FRMPD4: variants seen among roughly 807,000 people sequenced by gnomAD.
The protein encoded by FRMPD4 is FERM and PDZ domain-containing protein 4.
Under a neutral mutation model 94.1 loss-of-function variants are expected in FRMPD4, and 22 were observed. The ratio of observed to expected loss-of-function variants is 0.23; its 90% CI spans 0.17 to 0.33. The LOEUF is 0.33. Ranked by LOEUF, FRMPD4 falls within the 10% of genes least tolerant of loss-of-function variation. The pLI is 1.00. For synonymous variants in FRMPD4, 631 were observed against 548.6 expected (o/e 1.15, Z -2.10); for missense variants, 1,111 against 1,339.9 (o/e 0.83, Z 2.67).
intron 1 of FRMPD4, among the ~76,000 whole-genome samples, chrX:12,326,927 A>T (rs1308204691): frequency 9.0e-6 from 1 of 111,125 alleles, no homozygotes; most frequent in Non-Finnish European, 1.9e-5. Context: ...GCACCACTGC[A>T]CTCCAGCCTG....
intron 8 of FRMPD4, among the ~76,000 whole-genome samples, chrX:12,693,525 G>A (rs56222028): frequency 0.03 from 3,391 of 111,650 alleles, 155 homozygotes; most frequent in African/African-American, 0.1. Context: ...TGAGCAAGTG[G>A]AACAATATCA....
At chrX:12,111,298 T>A (rs1176831232) in intron 3 of FRMPD4, among the ~76,000 whole-genome samples, 1 of 111,616 alleles carries the variant, frequency 9.0e-6, no homozygotes, top group Non-Finnish European at 1.9e-5. Context: ...TTGACAAACC[T>A]GACAAAAACA....
At chrX:12,050,027 A>T (rs2054808276) in intron 3 of FRMPD4, among the ~76,000 whole-genome samples, 1 of 112,151 alleles carries the variant, frequency 8.9e-6, no homozygotes, top group Non-Finnish European at 1.9e-5. Context: ...TAAAAAATTT[A>T]AAGTTTATAA....
intron 3 of FRMPD4, among the ~76,000 whole-genome samples, chrX:11,902,939 A>C (rs1427481377): frequency 8.9e-6 from 1 of 111,810 alleles, no homozygotes; most frequent in Non-Finnish European, 1.9e-5. Context: ...GGGTTTTAAG[A>C]GATGTGTAGA....
chrX:12,474,647 G>T (rs2057568743), intron 1 of FRMPD4, among the ~76,000 whole-genome samples: 1 of 111,573 alleles, frequency 9.0e-6, no homozygotes, highest in Non-Finnish European at 1.9e-5. Flanking sequence ...CGATCCCAGA[G>T]AAATACAAAC....
At chrX:12,156,068 C>T (rs991197067) in intron 1 of FRMPD4, among the ~76,000 whole-genome samples, 2 of 111,728 alleles carry the variant, frequency 1.8e-5, no homozygotes, top group African/African-American at 6.5e-5. Context: ...GGAGGACAGA[C>T]GTTGTGAAAT....
intron 3 of FRMPD4, among the ~76,000 whole-genome samples, chrX:12,000,647 C>T (rs1190409463): frequency 9.0e-6 from 1 of 111,378 alleles, no homozygotes; most frequent in East Asian, 2.8e-4. Context: ...CCTCTCCCTT[C>T]TTCAGTTTAC....
At position 11,996,708 on chromosome X, in the gene FRMPD4, T is replaced by C. The variant is rs377527390; in HGVS notation, c.95+118690T>C. 1.2e-4 allele frequency among the ~76,000 whole-genome samples: 14 copies of C among 112,060 alleles called. No homozygotes were observed. In the East Asian group the frequency reaches 3.7e-3, roughly 29 times the overall value. ...ATAGTAGGTGCTTAATCATAGGTTATCAAGCAAATATCTATTACCTATTAT... is the reference window on the plus strand; with the variant it reads ...ATAGTAGGTGCTTAATCATAGGTTACCAAGCAAATATCTATTACCTATTAT... On this transcript the variant is annotated intron_variant, in intron 3 of 18. Coordinates refer to the FRMPD4 transcript ENST00000640291.
At chrX:12,053,077 C>A (rs1022779929) in intron 3 of FRMPD4, among the ~76,000 whole-genome samples, 1 of 110,626 alleles carries the variant, frequency 9.0e-6, no homozygotes, top group African/African-American at 3.3e-5. Context: ...ATGACTCATG[C>A]CTGTAATCCC....
chrX:12,636,897 T>C (rs2059448099), intron 4 of FRMPD4, among the ~76,000 whole-genome samples: 1 of 111,784 alleles, frequency 8.9e-6, no homozygotes, highest in African/African-American at 3.3e-5. Flanking sequence ...ATAAACCTAA[T>C]AGTCTTTGTT....
intron 3 of FRMPD4, among the ~76,000 whole-genome samples, chrX:12,613,759 C>T (rs1033349702): frequency 8.9e-6 from 1 of 111,903 alleles, no homozygotes; most frequent in African/African-American, 3.2e-5. Flanking sequence ...GGGTGGATCA[C>T]GAGGTCAGGA....
chrX:12,008,090 G>T (rs1449229961), intron 3 of FRMPD4, among the ~76,000 whole-genome samples: 1 of 112,081 alleles, frequency 8.9e-6, no homozygotes, highest in African/African-American at 3.2e-5. Context: ...TGCGTGCTGG[G>T]CCAATGCTAA....
intron 1 of FRMPD4, among the ~76,000 whole-genome samples, chrX:12,343,378 G>A (rs774887594): frequency 8.9e-6 from 1 of 111,738 alleles, no homozygotes; most frequent in Non-Finnish European, 1.9e-5. Context: ...ATTGGGAGGC[G>A]TCAGCAGGCC....
intron 3 of FRMPD4, among the ~76,000 whole-genome samples, chrX:12,116,934 T>C (rs2055414573): frequency 8.9e-6 from 1 of 112,573 alleles, no homozygotes; most frequent in African/African-American, 3.2e-5. Flanking sequence ...TAAAAATTTA[T>C]CTTCATTTAT....
chrX:12,077,155 A>G (rs760305551), intron 3 of FRMPD4, among the ~76,000 whole-genome samples: 23 of 112,045 alleles, frequency 2.1e-4, no homozygotes, highest in African/African-American at 7.4e-4. Context: ...ACTTGAATAA[A>G]TCTTCCACTG....
At chrX:12,477,814 G>T (rs1025702751) in intron 1 of FRMPD4, among the ~76,000 whole-genome samples, 12 of 112,579 alleles carry the variant, frequency 1.1e-4, no homozygotes, top group Non-Finnish European at 1.9e-4. Flanking sequence ...AAATATTTTT[G>T]TTACTACATT....
chrX:12,468,013 G>A (rs1328422313), intron 1 of FRMPD4, among the ~76,000 whole-genome samples: 1 of 112,032 alleles, frequency 8.9e-6, no homozygotes, highest in Non-Finnish European at 1.9e-5. Context: ...ATTTTGTCCA[G>A]GGCATAGAGT....
intron 1 of FRMPD4, among the ~76,000 whole-genome samples, chrX:12,398,496 G>T (rs2056571420): frequency 9.0e-6 from 1 of 111,260 alleles, no homozygotes; most frequent in South Asian, 3.8e-4. Context: ...TTCAGATACT[G>T]CATGGTTCTA....
chrX:12,253,963 G>A (rs2054081202), intron 1 of FRMPD4, among the ~76,000 whole-genome samples: 1 of 110,632 alleles, frequency 9.0e-6, no homozygotes, highest in Admixed American at 9.7e-5. Context: ...GGATCACCAG[G>A]AAGAAATAAG....
Sources: allele counts gnomAD v4.1 joint callset (sites outside exome capture counted in the v4.1 genomes callset), GRCh38; gene constraint gnomAD v4.1.1; transcripts MANE v1.5; gene names NCBI Gene and HGNC (gene_info 2026-07-23, HGNC 2026-07-21).